The following MRPL1 variants were observed in gnomAD, a reference collection of about 807,000 sequenced individuals.
The protein encoded by MRPL1 is large ribosomal subunit protein uL1m.
Under a neutral mutation model 38.0 loss-of-function variants are expected in MRPL1, and 28 were observed. That is an observed-to-expected ratio of 0.74 (90% CI 0.55 to 1.01). The LOEUF is 1.01. MRPL1 is among the 50% of genes least tolerant of loss of function. The pLI, the probability that MRPL1 is intolerant of heterozygous loss-of-function variation, is 0.00. For synonymous variants in MRPL1, 123 were observed against 126.7 expected (o/e 0.97, Z 0.20); for missense variants, 358 against 389.8 (o/e 0.92, Z 0.69).
chr4:77,888,523 A>T (rs115853513), intron 5 of MRPL1, among the ~76,000 whole-genome samples: 5,768 of 152,226 alleles, frequency 0.038, 168 homozygotes, highest in Middle Eastern at 0.12. Context: ...AATAAATAAA[A>T]TAAATAAACA....
chr4:77,889,772 A>C (rs1735765943), intron 5 of MRPL1, among the ~76,000 whole-genome samples: 2 of 152,172 alleles, frequency 1.3e-5, no homozygotes, highest in Non-Finnish European at 2.9e-5. Context: ...AATCAAATAG[A>C]CACAATAAAA....
At chr4:77,944,694 C>T (rs1237154675) in intron 7 of MRPL1, among the ~76,000 whole-genome samples, 1 of 152,144 alleles carries the variant, frequency 6.6e-6, no homozygotes, top group African/African-American at 2.4e-5. Flanking sequence ...CTAAAGGATT[C>T]ATTAGGCAGA....
At chr4:77,901,985 AGAATT>A (rs1019628454) in intron 6 of MRPL1, among the ~76,000 whole-genome samples, 22 of 152,352 alleles carry the variant, frequency 1.4e-4, no homozygotes, top group African/African-American at 5.3e-4. Flanking sequence ...TGAATGTAAA[AGAATT>A]GAAGTGACAC....
chr4:77,943,221 C>T (rs1026703729), intron 7 of MRPL1, among the ~76,000 whole-genome samples: 1 of 152,086 alleles, frequency 6.6e-6, no homozygotes, highest in East Asian at 1.9e-4. Flanking sequence ...TCCCTTCTAG[C>T]TTGTAGGGTT....
chr4:77,875,347 C>G (rs1282788479), intron 2 of MRPL1, among the ~76,000 whole-genome samples: 4 of 152,032 alleles, frequency 2.6e-5, no homozygotes, highest in African/African-American at 9.7e-5. Flanking sequence ...AGTATTTGAG[C>G]TAGGTCTTGA....
At chr4:77,894,025 A>G (rs1341316167) in intron 5 of MRPL1, 114 bp from the exon 6 acceptor site, 4 of 662,226 alleles carry the variant, frequency 6.0e-6, no homozygotes, top group Admixed American at 3.0e-5. Flanking sequence ...GAAGAAAAGA[A>G]TTGTGCTTAA....
At chr4:77,863,919 T>C (rs183903257) in intron 1 of MRPL1, among the ~76,000 whole-genome samples, 5 of 151,818 alleles carry the variant, frequency 3.3e-5, no homozygotes, top group African/African-American at 1.2e-4. Context: ...GCCAAGTTCA[T>C]ATAACTAGTA....
rs367802816 is a variant in MRPL1 at position 77,883,318 on chromosome 4, G to A, written c.220G>A (p.Ala74Thr). The A allele has an allele frequency of 9.9e-6, 16 of 1,611,032 alleles. No homozygotes were observed. The highest frequency in any genetic ancestry group is 1.3e-5 in the African/African-American group (1 of 74,732). The change falls in exon 3 of 9, where the codon GCA becomes ACA. Residue 74 changes from alanine (A) to threonine (T), a missense_variant. Transcript: ENST00000315567. ...EKKDEIEKIK[A>T]YPYMEGEPED... ...AAAAGATGAAATAGAAAAAATAAAA[G>A]CATATCCCTATATGGAAGGCGAACC...
chr4:77,899,415 TTTATG>T (rs773616445), intron 6 of MRPL1, among the ~76,000 whole-genome samples: 13 of 152,128 alleles, frequency 8.5e-5, no homozygotes, highest in Non-Finnish European at 1.8e-4. Context: ...TTTTATGTGT[TTTATG>T]TTAAGTTTTT....
intron 4 of MRPL1, 56 bp downstream of exon 4, chr4:77,885,395 TCTCA>T: frequency 7.4e-7 from 1 of 1,359,558 alleles, no homozygotes; most frequent in East Asian, 2.3e-5. Flanking sequence ...TGAGACGGAG[TCTCA>T]CTCTGTCACC....
chr4:77,921,501 G>A (rs539908088), intron 7 of MRPL1, among the ~76,000 whole-genome samples: 1 of 152,150 alleles, frequency 6.6e-6, no homozygotes, highest in Admixed American at 6.6e-5. Context: ...TGAGACAGGA[G>A]GCAGCAAGTA....
chr4:77,866,232 A>C (rs2110226063), intron 1 of MRPL1, among the ~76,000 whole-genome samples: 1 of 152,166 alleles, frequency 6.6e-6, no homozygotes, highest in Admixed American at 6.5e-5. Context: ...TTGTATTTTC[A>C]GTAGAGACGA....
At chr4:77,927,283 G>A (rs879869579) in intron 7 of MRPL1, among the ~76,000 whole-genome samples, 3 of 152,122 alleles carry the variant, frequency 2.0e-5, no homozygotes, top group Non-Finnish European at 4.4e-5. Context: ...TTAACAAATT[G>A]TTGTTTTAAA....
chr4:77,943,605 AT>A (rs1411255336), intron 7 of MRPL1, among the ~76,000 whole-genome samples: 1 of 152,040 alleles, frequency 6.6e-6, no homozygotes, highest in African/African-American at 2.4e-5. Context: ...GATTGAGTTA[AT>A]TCAAAAATCT....
chr4:77,893,261 T>C (rs1211016236), intron 5 of MRPL1, among the ~76,000 whole-genome samples: 1 of 152,094 alleles, frequency 6.6e-6, no homozygotes, highest in Non-Finnish European at 1.5e-5. Context: ...GGACTACAGA[T>C]GTGTGCCACC....
chr4:77,947,884 T>A (rs6850590), intron 7 of MRPL1, among the ~76,000 whole-genome samples: 129,649 of 152,154 alleles, frequency 0.85, 55,475 homozygotes, highest in Non-Finnish European at 0.88. Flanking sequence ...TATATTAAAG[T>A]TGCTAAAATT....
chr4:77,881,666 C>T (rs1384152876), intron 2 of MRPL1, among the ~76,000 whole-genome samples: 1 of 152,176 alleles, frequency 6.6e-6, no homozygotes, highest in East Asian at 1.9e-4. Flanking sequence ...GTCTTGAACT[C>T]CTGGCCTCAA....
intron 7 of MRPL1, among the ~76,000 whole-genome samples, chr4:77,910,478 A>T (rs1736261085): frequency 6.6e-6 from 1 of 152,192 alleles, no homozygotes; most frequent in Non-Finnish European, 1.5e-5. Context: ...CTCTATAAAA[A>T]ATACAAAAAA....
chr4:77,892,006 A>G (rs1735816536), intron 5 of MRPL1, among the ~76,000 whole-genome samples: 1 of 152,234 alleles, frequency 6.6e-6, no homozygotes, highest in African/African-American at 2.4e-5. Context: ...GGTAAATTCA[A>G]TACAGTTTAG....
Sources: gnomAD v4.1 joint callset for allele counts (sites outside exome capture counted in the v4.1 genomes callset) on GRCh38, gnomAD v4.1.1 for gene constraint, MANE v1.5 for transcripts, NCBI Gene and HGNC (gene_info 2026-07-23, HGNC 2026-07-21) for gene names.